TIAM2: variants seen among roughly 807,000 people sequenced by gnomAD.
The protein encoded by TIAM2 is TIAM Rac1 associated GEF 2, also known as rho guanine nucleotide exchange factor TIAM2.
Under a neutral mutation model 152.9 loss-of-function variants are expected in TIAM2, and 80 were observed. The ratio of observed to expected loss-of-function variants is 0.52; its 90% CI spans 0.44 to 0.63. The LOEUF (loss-of-function observed/expected upper bound fraction) is 0.63. Among genes scored for constraint, TIAM2 ranks in the 30% least tolerant of loss-of-function variants. The pLI is 0.00. For missense variants in TIAM2, 1,965 were observed against 2,120.1 expected, an observed-to-expected ratio of 0.93 and a Z score of 1.44; for synonymous variants, 804 against 838.0, an observed-to-expected ratio of 0.96 and a Z score of 0.70.
At chr6:155,047,764 G>C (rs1562300302) in intron 1 of TIAM2, among the ~76,000 whole-genome samples, 1 of 149,254 alleles carries the variant, frequency 6.7e-6, no homozygotes, top group Non-Finnish European at 1.5e-5. Flanking sequence ...CAGAAGACTT[G>C]AGTGAGGACC....
At chr6:155,022,188 A>T (rs1776513024) in intron 1 of TIAM2, among the ~76,000 whole-genome samples, 2 of 152,216 alleles carry the variant, frequency 1.3e-5, no homozygotes, top group Admixed American at 1.3e-4. Flanking sequence ...TATTGATAAA[A>T]ATGAGATAAG....
intron 9 of TIAM2, among the ~76,000 whole-genome samples, chr6:155,169,121 G>A (rs56305305): frequency 0.1 from 15,161 of 152,010 alleles, 849 homozygotes; most frequent in Middle Eastern, 0.16. Flanking sequence ...TCAGCCTCCC[G>A]AGTAGCTGGG....
intron 7 of TIAM2, among the ~76,000 whole-genome samples, chr6:155,161,013 G>C (rs960332939): frequency 6.6e-6 from 1 of 152,176 alleles, no homozygotes; most frequent in African/African-American, 2.4e-5. Context: ...GGCTATTGGG[G>C]TGTCCCAGCC....
chr6:155,219,373 C>T lies in TIAM2; in HGVS notation c.3168+8066C>T, dbSNP rs75035915. On this transcript the variant is annotated intron_variant, in intron 15 of 26. Transcript: ENST00000682666. ...ACCGAGATGCTTAGTGAAGCCTGAG[C>T]GGCTCTGCCAGCCGAGGAGGGCTTG... Among the ~76,000 whole-genome samples the T allele has an allele frequency of 7.3e-3, 1,115 of 152,218 alleles. 6 individuals are homozygous for T. The highest frequency in any genetic ancestry group is 9.7e-3 in the Non-Finnish European group (658 of 68,014).
At chr6:155,089,055 G>A (rs1181498016) in intron 1 of TIAM2, among the ~76,000 whole-genome samples, 5 of 151,964 alleles carry the variant, frequency 3.3e-5, no homozygotes, top group Admixed American at 6.5e-5. Flanking sequence ...TATGAAAGCA[G>A]TCTGTTTCAC....
chr6:155,172,699 T>TTA (rs1780656857), intron 9 of TIAM2, among the ~76,000 whole-genome samples: 1 of 81,668 alleles, frequency 1.2e-5, no homozygotes, highest in African/African-American at 4.8e-5. Flanking sequence ...TTTTTTTTTT[T>TTA]TTTTTTTTTT....
intron 4 of TIAM2, among the ~76,000 whole-genome samples, chr6:155,135,658 A>G (rs979485913): frequency 2.6e-5 from 4 of 152,314 alleles, no homozygotes; most frequent in Admixed American, 2.6e-4. Flanking sequence ...AGCTCTGTGC[A>G]TGGCCAGCTT....
chr6:155,123,624 T>G (rs1779224274), intron 2 of TIAM2, among the ~76,000 whole-genome samples: 1 of 152,228 alleles, frequency 6.6e-6, no homozygotes. Flanking sequence ...AACTTCCACC[T>G]GGGAGTGATT....
intron 14 of TIAM2, among the ~76,000 whole-genome samples, chr6:155,185,971 G>A (rs774576477): frequency 2.6e-5 from 4 of 152,208 alleles, no homozygotes; most frequent in Non-Finnish European, 5.9e-5. Flanking sequence ...TCTTTTCGAG[G>A]TAGTTGCGTT....
At chr6:155,099,210 G>GTATATA (rs140850839) in intron 2 of TIAM2, among the ~76,000 whole-genome samples, 4 of 79,268 alleles carry the variant, frequency 5.0e-5, no homozygotes, top group African/African-American at 8.1e-5. Context: ...ATCTATATGT[G>GTATATA]TATATATATA....
chr6:155,099,815 A>C (rs557029643), intron 2 of TIAM2, among the ~76,000 whole-genome samples: 12 of 152,384 alleles, frequency 7.9e-5, no homozygotes, highest in African/African-American at 2.9e-4. Context: ...TTGTGTGAAC[A>C]TCATAGAGTG....
rs115359120 is a variant in TIAM2 at position 155,227,748 on chromosome 6, C to T, written c.3169-12782C>T. Among the ~76,000 whole-genome samples the T allele has an allele frequency of 2.6e-3, 400 of 152,242 alleles. 1 individual carries two copies. The highest frequency in any genetic ancestry group is 8.6e-3 in the African/African-American group (359 of 41,524). Reference sequence around the variant, plus strand: ...TTTACAAAGTTGGTTACACCCCCGTCGACAAGAGGAATCTGTGAGGATATA... The same window carrying T: ...TTTACAAAGTTGGTTACACCCCCGTTGACAAGAGGAATCTGTGAGGATATA... On this transcript the variant is annotated intron_variant, in intron 15 of 26. Transcript: ENST00000682666.
At chr6:155,105,045 C>T (rs902025495) in intron 2 of TIAM2, among the ~76,000 whole-genome samples, 1 of 152,114 alleles carries the variant, frequency 6.6e-6, no homozygotes, top group Non-Finnish European at 1.5e-5. Flanking sequence ...CAGCCTTGAC[C>T]TCCCCAGGCT....
rs1784155353 is a variant in TIAM2, at chr6:155,257,648, A to G, written c.*527A>G. 1.6e-6 allele frequency: 1 copy of G among 631,948 alleles called. No individual in the cohort carries two copies. Among genetic ancestry groups the G allele is most frequent in the Non-Finnish European group, 2.7e-6 (1 of 369,208 alleles). The allele number at this position is 631,948 out of a possible 1,614,324, so 39.1% of individuals were successfully genotyped here. A position where few individuals can be genotyped will look rare whatever the true frequency, so the allele number is the denominator to read the frequency against. On this transcript the variant is annotated 3_prime_UTR_variant, in exon 27 of 27. Transcript: ENST00000682666. ...CTATCTATACAGTATATATTAAAAG[A>G]AAGCTTGTACTGTATCTTATTTGAT... is the stretch of plus-strand genomic sequence containing the variant.
rs552724732 is a variant in TIAM2, at chr6:155,152,001, C to T, written c.2028+3667C>T. Among the ~76,000 whole-genome samples the T allele has an allele frequency of 9.2e-5, 14 of 151,938 alleles. No individual in the cohort carries two copies. In the East Asian group the frequency reaches 9.7e-4, roughly 11 times the overall value. On this transcript the variant is annotated intron_variant, in intron 7 of 26. Transcript: ENST00000682666. ...CTGGGATTACAGGCGCCCGCCACCA[C>T]GCCCGGCTAATTTTGTATTTTTAAT...
chr6:155,091,908 A>C (rs1778313003), intron 2 of TIAM2, among the ~76,000 whole-genome samples: 1 of 151,918 alleles, frequency 6.6e-6, no homozygotes, highest in African/African-American at 2.4e-5. Context: ...TATTATTGCT[A>C]TTTTTTTGAG....
intron 22 of TIAM2, among the ~76,000 whole-genome samples, chr6:155,251,645 G>A (rs896140274): frequency 6.6e-6 from 1 of 152,176 alleles, no homozygotes. Context: ...TGAGAGTTGG[G>A]AGAACAAGTG....
intron 15 of TIAM2, among the ~76,000 whole-genome samples, chr6:155,234,468 A>G (rs191274356): frequency 7.7e-4 from 118 of 152,274 alleles, no homozygotes; most frequent in African/African-American, 2.8e-3. Flanking sequence ...GGGTTTCCCT[A>G]TGTTGTCCAG....
chr6:155,189,400 A>C (rs1402669749), intron 14 of TIAM2, among the ~76,000 whole-genome samples: 1 of 151,736 alleles, frequency 6.6e-6, no homozygotes, highest in African/African-American at 2.4e-5. Context: ...TACTGGTTTT[A>C]CCAGGACACA....
Sources: allele counts gnomAD v4.1 joint callset (sites outside exome capture counted in the v4.1 genomes callset), GRCh38; gene constraint gnomAD v4.1.1; transcripts MANE v1.5; gene names NCBI Gene and HGNC (gene_info 2026-07-23, HGNC 2026-07-21).